Variants in CDH18 observed in about 807,000 individuals in gnomAD.
The protein encoded by CDH18 is cadherin 18, also known as cadherin-18.
Under a neutral mutation model 67.9 loss-of-function variants are expected in CDH18, and 31 were observed. That is an observed-to-expected ratio of 0.46 (90% CI 0.34 to 0.62). CDH18 has a LOEUF of 0.62. CDH18 is among the 20% of genes least tolerant of loss of function. The pLI, the probability that CDH18 is intolerant of heterozygous loss-of-function variation, is 0.01. For synonymous variants in CDH18, 362 were observed against 347.2 expected, an observed-to-expected ratio of 1.04 and a Z score of -0.48; for missense variants, 890 against 975.5, an observed-to-expected ratio of 0.91 and a Z score of 1.17.
At chr5:20,040,626 A>G (rs1262450822) in intron 2 of CDH18, among the ~76,000 whole-genome samples, 1 of 152,204 alleles carries the variant, frequency 6.6e-6, no homozygotes, top group Non-Finnish European at 1.5e-5. Context: ...TTCAATGAGC[A>G]AAATATTTAG....
intron 4 of CDH18, among the ~76,000 whole-genome samples, chr5:19,732,517 A>C (rs1767749764): frequency 1.3e-5 from 2 of 152,168 alleles, no homozygotes; most frequent in African/African-American, 2.4e-5. Flanking sequence ...AAAATAAATA[A>C]ATAAATAAAA....
chr5:19,761,867 C>T (rs1026827447), intron 3 of CDH18, among the ~76,000 whole-genome samples: 23 of 152,292 alleles, frequency 1.5e-4, no homozygotes, highest in African/African-American at 4.6e-4. Context: ...GTAACCAAAA[C>T]AGCATGGTAC....
At chr5:20,213,250 T>G (rs1740494776) in intron 2 of CDH18, among the ~76,000 whole-genome samples, 1 of 152,154 alleles carries the variant, frequency 6.6e-6, no homozygotes, top group Non-Finnish European at 1.5e-5. Context: ...GTTGGTGGAA[T>G]TGTAGTCAGA....
At chr5:19,987,145 T>C (rs1799645674) in intron 1 of CDH18, among the ~76,000 whole-genome samples, 1 of 152,138 alleles carries the variant, frequency 6.6e-6, no homozygotes. Flanking sequence ...CAACATTAAA[T>C]GCAATGAGAC....
chr5:20,291,841 T>C (rs1747128722), intron 1 of CDH18, among the ~76,000 whole-genome samples: 1 of 151,898 alleles, frequency 6.6e-6, no homozygotes, highest in Non-Finnish European at 1.5e-5. Context: ...ACTGCCTTTA[T>C]TTTATTTACT....
intron 5 of CDH18, among the ~76,000 whole-genome samples, chr5:19,634,445 T>A (rs887719390): frequency 1.3e-5 from 2 of 152,098 alleles, no homozygotes. Context: ...AAAATGTGGG[T>A]CATGAGTTCT....
At chr5:19,729,784 G>T (rs1288897927) in intron 4 of CDH18, among the ~76,000 whole-genome samples, 3 of 152,074 alleles carry the variant, frequency 2.0e-5, no homozygotes, top group Non-Finnish European at 4.4e-5. Flanking sequence ...CTGATCGTAT[G>T]CCCACTAGTC....
chr5:19,543,758 C>T (rs1735813046), intron 9 of CDH18, 111 bp downstream of exon 9: 1 of 702,552 alleles, frequency 1.4e-6, no homozygotes, highest in Non-Finnish European at 2.3e-6. Context: ...GCTTACTCTC[C>T]TAGATCCTGA....
intron 4 of CDH18, among the ~76,000 whole-genome samples, chr5:19,738,149 G>C (rs1042623417): frequency 6.6e-6 from 1 of 151,256 alleles, no homozygotes; most frequent in Admixed American, 6.6e-5. Flanking sequence ...TAGACACTTT[G>C]TTAGGTGCAC....
At chr5:20,535,218 T>A (rs1000408305) in intron 1 of CDH18, among the ~76,000 whole-genome samples, 1 of 152,164 alleles carries the variant, frequency 6.6e-6, no homozygotes, top group East Asian at 1.9e-4. Context: ...GTTGTAGGAC[T>A]GAAGTGCCGA....
chr5:19,623,647 GA>G (rs1751048583), intron 5 of CDH18, among the ~76,000 whole-genome samples: 1 of 151,770 alleles, frequency 6.6e-6, no homozygotes, highest in East Asian at 1.9e-4. Context: ...GCTTTATGTA[GA>G]TTTTTTTAGT....
intron 1 of CDH18, among the ~76,000 whole-genome samples, chr5:20,470,569 C>T (rs553089861): frequency 3.3e-5 from 5 of 152,194 alleles, no homozygotes; most frequent in South Asian, 2.1e-4. Flanking sequence ...AATAAAGCCC[C>T]GTTACCTGCC....
At chr5:19,548,659 G>A (rs752873149) in intron 8 of CDH18, among the ~76,000 whole-genome samples, 11 of 151,708 alleles carry the variant, frequency 7.3e-5, no homozygotes, top group Non-Finnish European at 1.0e-4. Flanking sequence ...ATGAAGAAAC[G>A]AAGGGACAGA....
intron 5 of CDH18, among the ~76,000 whole-genome samples, chr5:19,632,161 G>A (rs1225746320): frequency 1.3e-5 from 2 of 152,060 alleles, no homozygotes; most frequent in African/African-American, 2.4e-5. Context: ...AAAATAAAGA[G>A]TACTTTCTGT....
chr5:20,219,573 C>A (rs1339371519), intron 2 of CDH18, among the ~76,000 whole-genome samples: 1 of 149,116 alleles, frequency 6.7e-6, no homozygotes, highest in African/African-American at 2.5e-5. Context: ...AACATTGACA[C>A]AAAATACTCA....
chr5:19,739,052 T>C (rs781337694), intron 4 of CDH18, among the ~76,000 whole-genome samples: 8 of 152,084 alleles, frequency 5.3e-5, no homozygotes, highest in African/African-American at 1.4e-4. Flanking sequence ...GTTAAAGATA[T>C]ATAAAATAAA....
At chr5:19,761,902 C>A (rs1197168974) in intron 3 of CDH18, among the ~76,000 whole-genome samples, 2 of 152,056 alleles carry the variant, frequency 1.3e-5, no homozygotes, top group Non-Finnish European at 2.9e-5. Context: ...AGATATAGAC[C>A]AATGGAACAG....
At chr5:20,256,509 C>T (rs1233760048) in intron 1 of CDH18, among the ~76,000 whole-genome samples, 1 of 151,978 alleles carries the variant, frequency 6.6e-6, no homozygotes, top group Non-Finnish European at 1.5e-5. Context: ...ATGTGCCAAA[C>T]ATTATTATTT....
intron 9 of CDH18, among the ~76,000 whole-genome samples, chr5:19,533,030 AT>A (rs1748887631): frequency 1.3e-5 from 2 of 152,182 alleles, no homozygotes; most frequent in African/African-American, 4.8e-5. Flanking sequence ...GAAAAATAAC[AT>A]TGCAGCTGCA....
Sources: gnomAD v4.1 joint callset for allele counts (sites outside exome capture counted in the v4.1 genomes callset) on GRCh38, gnomAD v4.1.1 for gene constraint, MANE v1.5 for transcripts, NCBI Gene and HGNC (gene_info 2026-07-23, HGNC 2026-07-21) for gene names.